NUMB: variants seen among roughly 807,000 people sequenced by gnomAD.
NUMB encodes NUMB endocytic adaptor protein.
NUMB carries 29 observed loss-of-function variants against 59.7 expected under a neutral mutation model. The ratio of observed to expected loss-of-function variants is 0.49; its 90% confidence interval spans 0.36 to 0.66. NUMB has a LOEUF of 0.66. Among genes scored for constraint, NUMB ranks in the 30% least tolerant of loss-of-function variants. The probability of loss-of-function intolerance (pLI) is 0.00; values close to 1 mark genes in which losing one functional copy is unlikely to be tolerated. For synonymous variants in NUMB, 288 were observed against 288.2 expected, an observed-to-expected ratio of 1.00 and a Z score of 0.01; for missense variants, 723 against 822.0, an observed-to-expected ratio of 0.88 and a Z score of 1.47.
At chr14:73,311,223 T>A (rs1403007748) in intron 6 of NUMB, among the ~76,000 whole-genome samples, 2 of 151,922 alleles carry the variant, frequency 1.3e-5, no homozygotes, top group African/African-American at 2.4e-5. Flanking sequence ...GCCTGGCTAA[T>A]TTTTGTATTT....
At chr14:73,335,533 C>A (rs1276715590) in intron 4 of NUMB, among the ~76,000 whole-genome samples, 1 of 152,130 alleles carries the variant, frequency 6.6e-6, no homozygotes, top group Non-Finnish European at 1.5e-5. Flanking sequence ...ATATTTGACA[C>A]TGGGACTTCT....
intron 2 of NUMB, among the ~76,000 whole-genome samples, chr14:73,402,257 A>C (rs1201837248): frequency 6.6e-6 from 1 of 152,180 alleles, no homozygotes; most frequent in African/African-American, 2.4e-5. Flanking sequence ...AAATACTACT[A>C]ATCAACAGTA....
At chr14:73,337,296 A>G (rs911850905) in intron 4 of NUMB, among the ~76,000 whole-genome samples, 3 of 152,144 alleles carry the variant, frequency 2.0e-5, no homozygotes, top group African/African-American at 7.2e-5. Context: ...AGATCACTTG[A>G]GGCCAGGAGT....
chr14:73,286,903 C>A, intron 9 of NUMB: 1 of 575,306 alleles, frequency 1.7e-6, no homozygotes, highest in Non-Finnish European at 3.1e-6. Flanking sequence ...CCTCAGATAG[C>A]TTACTATAAT....
At chr14:73,419,537 T>C (rs1897273666) in intron 1 of NUMB, among the ~76,000 whole-genome samples, 1 of 151,874 alleles carries the variant, frequency 6.6e-6, no homozygotes, top group Admixed American at 6.6e-5. Context: ...AATGAATAAA[T>C]AAGGAAAACC....
chr14:73,419,436 G>A (rs1396894112), intron 1 of NUMB, among the ~76,000 whole-genome samples: 1 of 152,178 alleles, frequency 6.6e-6, no homozygotes. Flanking sequence ...ATGAACCCGG[G>A]AGGCGGAGCT....
At chr14:73,319,870 G>T (rs1015766834) in intron 5 of NUMB, among the ~76,000 whole-genome samples, 1 of 152,150 alleles carries the variant, frequency 6.6e-6, no homozygotes, top group Non-Finnish European at 1.5e-5. Context: ...AGCAGCTCAT[G>T]CCTGTAATCC....
At chr14:73,440,235 CCATATATATAT>C (rs1566798222) in intron 1 of NUMB, among the ~76,000 whole-genome samples, 1 of 95,272 alleles carries the variant, frequency 1.0e-5, no homozygotes, top group African/African-American at 4.1e-5. Flanking sequence ...ATATGGATAT[CCATATATATAT>C]ACATCCATAT....
At chr14:73,423,535 G>A (rs941888676) in intron 1 of NUMB, among the ~76,000 whole-genome samples, 1 of 152,078 alleles carries the variant, frequency 6.6e-6, no homozygotes, top group Non-Finnish European at 1.5e-5. Flanking sequence ...CCAGCTCTTG[G>A]GAGGCTGAGG....
intron 6 of NUMB, chr14:73,299,511 A>G (rs2139851030): frequency 6.6e-6 from 1 of 151,222 alleles, no homozygotes; most frequent in East Asian, 1.9e-4. Context: ...TCACGAGTGA[A>G]TTCTTAAAAT....
chr14:73,388,379 C>T (rs1041398101), intron 2 of NUMB, among the ~76,000 whole-genome samples: 1 of 152,126 alleles, frequency 6.6e-6, no homozygotes, highest in Non-Finnish European at 1.5e-5. Context: ...TAAGATATAA[C>T]TTCCTTGTGG....
At chr14:73,431,190 C>T (rs1381382496) in intron 1 of NUMB, among the ~76,000 whole-genome samples, 2 of 150,888 alleles carry the variant, frequency 1.3e-5, no homozygotes, top group South Asian at 2.1e-4. Flanking sequence ...CTCCTGACCT[C>T]GTGATCCACC....
chr14:73,435,520 C>T (rs936902272), intron 1 of NUMB, among the ~76,000 whole-genome samples: 5 of 151,054 alleles, frequency 3.3e-5, no homozygotes, highest in Admixed American at 2.0e-4. Context: ...GTGATCTGCC[C>T]GCCTCAGCCT....
intron 11 of NUMB, chr14:73,281,637 C>T (rs1452690133): frequency 1.3e-5 from 2 of 152,222 alleles, no homozygotes; most frequent in Non-Finnish European, 2.9e-5. Context: ...GAGTCAATAT[C>T]CACTATTTAG....
intron 2 of NUMB, among the ~76,000 whole-genome samples, chr14:73,398,415 A>AGAGAGAGTGTGTGT (rs1438462148): frequency 4.2e-5 from 5 of 118,804 alleles, no homozygotes; most frequent in African/African-American, 1.7e-4. Context: ...AGAGAGAGAG[A>AGAGAGAGTGTGTGT]GTGTGTGTGT....
intron 5 of NUMB, among the ~76,000 whole-genome samples, chr14:73,318,746 G>A (rs1000271361): frequency 6.6e-6 from 1 of 152,178 alleles, no homozygotes; most frequent in Admixed American, 6.5e-5. Context: ...TAAATGAGTT[G>A]AAAATAGCTG....
chr14:73,336,559 A>G (rs1892326447), intron 4 of NUMB, among the ~76,000 whole-genome samples: 1 of 152,222 alleles, frequency 6.6e-6, no homozygotes, highest in Non-Finnish European at 1.5e-5. Flanking sequence ...ATTAGATTTC[A>G]GGACCTACCA....
At chr14:73,358,409 C>G (rs964080272) in intron 3 of NUMB, among the ~76,000 whole-genome samples, 1 of 152,118 alleles carries the variant, frequency 6.6e-6, no homozygotes, top group East Asian at 1.9e-4. Context: ...CTCACCAGTC[C>G]CCATTCACAT....
rs573689437 is a variant in NUMB at position 73,433,658 on chromosome 14, A to G, written c.-232-23590T>C. Among the ~76,000 whole-genome samples the G allele has an allele frequency of 1.6e-3, 250 of 152,266 alleles. 1 individual carries two copies. Among genetic ancestry groups the G allele is most frequent in the African/African-American group, 5.7e-3 (238 of 41,580 alleles). On this transcript the variant is annotated intron_variant, in intron 1 of 12. Transcript: ENST00000555238. ...AGAAGTGACTTATCTTCTCTAGAAAAGCAATTTAAGGTTACTAAGTTTGTC... is the reference window on the plus strand; with the variant it reads ...AGAAGTGACTTATCTTCTCTAGAAAGGCAATTTAAGGTTACTAAGTTTGTC...
Sources: allele counts gnomAD v4.1 joint callset (sites outside exome capture counted in the v4.1 genomes callset), GRCh38; gene constraint gnomAD v4.1.1; transcripts MANE v1.5; gene names NCBI Gene and HGNC (gene_info 2026-07-23, HGNC 2026-07-21).